PAK1: variants seen among roughly 807,000 people sequenced by gnomAD.
The protein encoded by PAK1 is p21 (RAC1) activated kinase 1, also known as serine/threonine-protein kinase PAK 1.
Under a neutral mutation model 67.4 loss-of-function variants are expected in PAK1, and 29 were observed. The ratio of observed to expected loss-of-function variants is 0.43; its 90% CI spans 0.32 to 0.59. The LOEUF (loss-of-function observed/expected upper bound fraction) is 0.59, where lower values mean the gene tolerates loss of function less well. Ranked by LOEUF, PAK1 falls within the 20% of genes least tolerant of loss-of-function variation. The probability of loss-of-function intolerance (pLI) is 0.07; values close to 1 mark genes in which losing one functional copy is unlikely to be tolerated. For synonymous variants in PAK1, 223 were observed against 237.4 expected, an observed-to-expected ratio of 0.94 and a Z score of 0.56; for missense variants, 337 against 670.7, an observed-to-expected ratio of 0.50 and a Z score of 5.50.
chr11:77,485,647 G>T, the PAK1 span, among the ~76,000 whole-genome samples: 1 of 152,046 alleles, frequency 6.6e-6, no homozygotes, highest in Non-Finnish European at 1.5e-5. Flanking sequence ...GGTGAATTTT[G>T]TATTTTTAGT....
chr11:77,475,148 C>T (rs143226043), upstream of PAK1: 3 of 152,216 alleles, frequency 2.0e-5, no homozygotes, highest in East Asian at 5.8e-4. Context: ...CGTTCCTTTC[C>T]GTTCTCAATG....
intron 5 of PAK1, among the ~76,000 whole-genome samples, chr11:77,369,813 G>A (rs1948171981): frequency 6.6e-6 from 1 of 151,974 alleles, no homozygotes; most frequent in African/African-American, 2.4e-5. Flanking sequence ...TCTAATAGCA[G>A]GGTGTTTTTG....
chr11:77,468,150 G>C (rs1396650538), intron 1 of PAK1, among the ~76,000 whole-genome samples: 1 of 152,182 alleles, frequency 6.6e-6, no homozygotes, highest in African/African-American at 2.4e-5. Flanking sequence ...GGAGAAGGCT[G>C]GAAGTAGAAA....
intron 13 of PAK1, among the ~76,000 whole-genome samples, chr11:77,335,825 G>A (rs1333458839): frequency 6.6e-6 from 1 of 152,096 alleles, no homozygotes; most frequent in African/African-American, 2.4e-5. Flanking sequence ...TTTACCATCT[G>A]TTACTACATA....
At chr11:77,424,234 C>T (rs1299866434) in intron 1 of PAK1, among the ~76,000 whole-genome samples, 1 of 152,182 alleles carries the variant, frequency 6.6e-6, no homozygotes, top group African/African-American at 2.4e-5. Flanking sequence ...ATGCTACTGC[C>T]TCTGCCATCA....
rs146505743 is a variant in PAK1, at chr11:77,429,367, C to T, written c.-21-36826G>A. On this transcript the variant is annotated intron_variant, in intron 1 of 14. Transcript: ENST00000356341. ...ACTAAATACACTGAAAGTTTGGCAA[C>T]GAAACGGATATTTACATAGTACTGC... 8.5e-5 allele frequency among the ~76,000 whole-genome samples: 13 copies of T among 152,144 alleles called. No individual in the cohort carries two copies. The East Asian group carries it at 1.3e-3, about 16-fold the overall frequency.
At chr11:77,384,883 G>A (rs1019454743) in intron 2 of PAK1, among the ~76,000 whole-genome samples, 8 of 152,034 alleles carry the variant, frequency 5.3e-5, no homozygotes, top group African/African-American at 1.9e-4. Flanking sequence ...ATGGTGACTT[G>A]TATGGCATGT....
intron 1 of PAK1, among the ~76,000 whole-genome samples, chr11:77,416,885 G>A (rs1238837952): frequency 6.6e-6 from 1 of 152,048 alleles, no homozygotes; most frequent in Non-Finnish European, 1.5e-5. Context: ...ACCAGGAGGC[G>A]GAGCTTGCAG....
At chr11:77,379,826 G>C in intron 3 of PAK1, 68 bp downstream of exon 3, 1 of 1,020,180 alleles carries the variant, frequency 9.8e-7, no homozygotes, top group Non-Finnish European at 1.5e-6. Flanking sequence ...GATGAGAAAG[G>C]GTTGAATCTA....
intron 14 of PAK1, chr11:77,325,202 A>G: frequency 8.9e-7 from 1 of 1,121,248 alleles, no homozygotes; most frequent in Non-Finnish European, 1.3e-6. Flanking sequence ...TGTCTAATAA[A>G]CAAAACAGAC....
chr11:77,437,695 C>T (rs1000368210), intron 1 of PAK1, among the ~76,000 whole-genome samples: 8 of 151,992 alleles, frequency 5.3e-5, no homozygotes, highest in African/African-American at 1.5e-4. Context: ...AAGACTTATG[C>T]GGTCCAAAAT....
chr11:77,521,342 C>T, the PAK1 span, among the ~76,000 whole-genome samples: 1 of 152,058 alleles, frequency 6.6e-6, no homozygotes, highest in African/African-American at 2.4e-5. Context: ...CCAGCCTGAC[C>T]AACATGGAGA....
At chr11:77,419,769 AAAC>A (rs1461672191) in intron 1 of PAK1, among the ~76,000 whole-genome samples, 1 of 152,228 alleles carries the variant, frequency 6.6e-6, no homozygotes, top group Non-Finnish European at 1.5e-5. Context: ...GTTGGATTTA[AAAC>A]AACATCTGAG....
chr11:77,423,676 G>A (rs1486469372), intron 1 of PAK1, among the ~76,000 whole-genome samples: 1 of 152,148 alleles, frequency 6.6e-6, no homozygotes, highest in East Asian at 1.9e-4. Flanking sequence ...TAAAGTAGGG[G>A]TTGGAAAATT....
At chr11:77,405,680 C>G (rs968568242) in intron 1 of PAK1, among the ~76,000 whole-genome samples, 85 of 143,392 alleles carry the variant, frequency 5.9e-4, no homozygotes, top group Middle Eastern at 3.7e-3. Context: ...GACAGACACA[C>G]ACACACACAC....
intron 13 of PAK1, among the ~76,000 whole-genome samples, chr11:77,334,849 A>G (rs1177986805): frequency 6.6e-6 from 1 of 152,204 alleles, no homozygotes; most frequent in Non-Finnish European, 1.5e-5. Context: ...CTGTTTATAC[A>G]TGCCATCTCA....
chr11:77,414,516 C>G (rs1195995971), intron 1 of PAK1, among the ~76,000 whole-genome samples: 1 of 152,158 alleles, frequency 6.6e-6, no homozygotes, highest in African/African-American at 2.4e-5. Context: ...TATAAAGCTA[C>G]AGTGATAATG....
Position 77,349,124 on chromosome 11 carries a change from C to CAAA in PAK1, c.885+112_885+114dup, listed in dbSNP as rs34167967. On this transcript the variant is annotated intron_variant, in intron 9 of 14. Coordinates refer to ENST00000356341, the MANE Select transcript of PAK1 (RefSeq NM_002576.5). ...TGGATGACAGAGTGAGACCCCATCC[C>CAAA]AAAAAAAAAAAAAAAAACCTAGAAC... 1,030 of 510,216 alleles carry CAAA rather than the reference C, an allele frequency of 2.0e-3. 1 individual carries two copies. The highest frequency in any genetic ancestry group is 3.1e-3 in the South Asian group (142 of 45,870). 31.6% of individuals were successfully genotyped at this position (510,216 alleles called of 1,614,324 possible).
At chr11:77,394,822 A>G (rs1321707993) in intron 1 of PAK1, among the ~76,000 whole-genome samples, 1 of 151,584 alleles carries the variant, frequency 6.6e-6, no homozygotes, top group Non-Finnish European at 1.5e-5. Flanking sequence ...TCCAGCCTGG[A>G]GACAGAGCAA....
Sources: gnomAD v4.1 joint callset for allele counts (sites outside exome capture counted in the v4.1 genomes callset) on GRCh38, gnomAD v4.1.1 for gene constraint, MANE v1.5 for transcripts, NCBI Gene and HGNC (gene_info 2026-07-23, HGNC 2026-07-21) for gene names.